EIF4E2: variants seen among roughly 807,000 people sequenced by gnomAD.
EIF4E2 encodes the protein eukaryotic translation initiation factor 4E family member 2, also known as eukaryotic translation initiation factor 4E type 2.
A neutral mutation model predicts 34.2 loss-of-function variants in EIF4E2; 13 were observed. That is an observed-to-expected ratio of 0.38 (90% CI 0.25 to 0.60). EIF4E2 has a LOEUF of 0.60. Among genes scored for constraint, EIF4E2 ranks in the 20% least tolerant of loss-of-function variants. The pLI, the probability that EIF4E2 is intolerant of heterozygous loss-of-function variation, is 0.62. For synonymous variants in EIF4E2, 100 were observed against 106.6 expected, an observed-to-expected ratio of 0.94 and a Z score of 0.38; for missense variants, 222 against 315.1, an observed-to-expected ratio of 0.70 and a Z score of 2.24.
intron 4 of EIF4E2, among the ~76,000 whole-genome samples, chr2:232,565,035 G>A (rs1257266951): frequency 7.2e-6 from 1 of 138,200 alleles, no homozygotes; most frequent in African/African-American, 2.8e-5. Context: ...GGCAGGAACT[G>A]GAGACCTAGA....
downstream of EIF4E2, among the ~76,000 whole-genome samples, chr2:232,571,354 A>G (rs915080665): frequency 2.6e-5 from 4 of 152,256 alleles, no homozygotes; most frequent in African/African-American, 7.2e-5. Context: ...AATGAGGCCA[A>G]CTTGTAGTCG....
chr2:232,571,183 C>T (rs1013080036), downstream of EIF4E2, among the ~76,000 whole-genome samples: 1 of 152,174 alleles, frequency 6.6e-6, no homozygotes, highest in African/African-American at 2.4e-5. Flanking sequence ...TGCTGTTCCC[C>T]TCAGTGTGCT....
In EIF4E2 at chr2:232,581,425, T is replaced by C. The variant is rs549142886; in HGVS notation, c.*482T>C. 2.6e-5 allele frequency: 8 copies of C among 302,098 alleles called. No individual in the cohort carries two copies. The highest frequency in any genetic ancestry group is 6.6e-5 in the African/African-American group (3 of 45,206). The allele number at this position is 302,098 out of a possible 1,614,324, so 18.7% of individuals were successfully genotyped here. ...GCTCTGCCATTAAATTATTGGGACA[T>C]TTTGTTTCTTTCTCTCCCCTCCTCC... On this transcript the variant is annotated 3_prime_UTR_variant, in exon 7 of 7. Transcript: ENST00000409098. This position sits in a 1 kb window ranked among gnomAD's most constrained non-coding sequence, Gnocchi z 5.2.
chr2:232,555,684 T>C (rs1229077165), intron 1 of EIF4E2, among the ~76,000 whole-genome samples: 1 of 151,870 alleles, frequency 6.6e-6, no homozygotes, highest in Non-Finnish European at 1.5e-5. Context: ...GGAGGAATGG[T>C]GTGACAGACC....
At chr2:232,567,653 T>A (rs543934925) in intron 6 of EIF4E2, 1 of 1,044,814 alleles carries the variant, frequency 9.6e-7, no homozygotes, top group Non-Finnish European at 1.1e-6. Context: ...TGACTACTTA[T>A]CAGGAATGAC....
chr2:232,561,327 G>GA (rs10601173), intron 3 of EIF4E2, among the ~76,000 whole-genome samples: 20 of 148,846 alleles, frequency 1.3e-4, no homozygotes, highest in East Asian at 9.8e-4. Context: ...TCCCTCTTGT[G>GA]AAAAAAAAAA....
intron 6 of EIF4E2, among the ~76,000 whole-genome samples, chr2:232,574,794 T>A (rs1477377696): frequency 6.6e-6 from 1 of 152,194 alleles, no homozygotes; most frequent in African/African-American, 2.4e-5. Flanking sequence ...AACAGTAATA[T>A]AAATTCAGCG....
chr2:232,582,349 CT>C (rs1219053953), exon 7 of EIF4E2: 1 of 152,514 alleles, frequency 6.6e-6, no homozygotes, highest in Non-Finnish European at 1.5e-5. Context: ...GTACTACACT[CT>C]TCCTACTTTT....
At position 232,566,827 on chromosome 2, in the gene EIF4E2, A is replaced by G; in HGVS notation, c.376-2A>G. On this transcript the variant is annotated splice_acceptor_variant, in intron 4 of 6. Coordinates refer to ENST00000258416, the MANE Select transcript of EIF4E2 (RefSeq NM_004846.4). LOFTEE classifies it high-confidence loss of function. This position sits in a 1 kb window ranked among gnomAD's most constrained non-coding sequence, Gnocchi z 4.9. ...ACTTCAGTGCTTTCTGTCTTTTTACAGGATGATGCAAATAAAAATGGTGGC... is the reference window on the plus strand; with the variant it reads ...ACTTCAGTGCTTTCTGTCTTTTTACGGGATGATGCAAATAAAAATGGTGGC... 1 of 1,614,022 alleles carries G rather than the reference A, an allele frequency of 6.2e-7. No homozygotes were observed. The highest frequency in any genetic ancestry group is 8.5e-7 in the Non-Finnish European group (1 of 1,180,000).
chr2:232,556,339 G>T lies in EIF4E2; in HGVS notation c.21-77G>T, dbSNP rs535392776. Reference sequence around the variant, plus strand: ...CTTTGGGTTGGTTACATAGTAGTTCGTATGACCTGGTGGCTTTGTTAGGTA... The same window carrying T: ...CTTTGGGTTGGTTACATAGTAGTTCTTATGACCTGGTGGCTTTGTTAGGTA... On this transcript the variant is annotated intron_variant, in intron 1 of 6. Coordinates refer to ENST00000258416, the MANE Select transcript of EIF4E2 (RefSeq NM_004846.4). 293 of 1,194,228 alleles carry T rather than the reference G, an allele frequency of 2.5e-4. No homozygotes were observed. In the African/African-American group the frequency reaches 3.4e-3, roughly 14 times the overall value. 74.0% of individuals were successfully genotyped at this position (1,194,228 alleles called of 1,614,324 possible). A position where few individuals can be genotyped will look rare whatever the true frequency, so the allele number is the denominator to read the frequency against.
rs747719438 is a variant in EIF4E2, at chr2:232,556,504, A to G, written c.109A>G (p.Lys37Glu). 3.1e-6 allele frequency: 5 copies of G among 1,613,196 alleles called. No homozygotes were observed. Among genetic ancestry groups the G allele is most frequent in the Non-Finnish European group, 4.2e-6 (5 of 1,179,594 alleles). Residue 37 changes from lysine to glutamate, a missense_variant, in exon 2 of 7, where the codon AAG (lysine) becomes GAG (glutamate). This residue lies in a region of EIF4E2 where 87 missense variants were observed against 93.6 expected (regional missense o/e 0.93). Coordinates refer to ENST00000258416, the MANE Select transcript of EIF4E2 (RefSeq NM_004846.4). ...TGAGAAGGAAAAAACGGAACGAGAC[A>G]AGAATCAGAGCAGTAGCAAGAGAAA... ...DGEKEKTERD[K>E]NQSSSKRKAV...
rs115920753 is a variant in EIF4E2 at position 232,563,225 on chromosome 2, C to A, written c.271-1022C>A. Among the ~76,000 whole-genome samples, 539 of 152,250 alleles carry A rather than the reference C, an allele frequency of 3.5e-3. 1 individual carries two copies. The highest frequency in any genetic ancestry group is 0.012 in the African/African-American group (504 of 41,540). The stretch of plus-strand genomic sequence containing the variant: ...GTGCCTCTTCACTGGCCAGTACTTA[C>A]TACGTATCCTCTGTGAATAAGGAAA... On this transcript the variant is annotated intron_variant, in intron 3 of 6. Transcript: ENST00000258416.
chr2:232,557,264 A>G (rs1033492822), intron 2 of EIF4E2, among the ~76,000 whole-genome samples: 4 of 152,294 alleles, frequency 2.6e-5, no homozygotes, highest in African/African-American at 7.2e-5. Flanking sequence ...ACAAAGAAAT[A>G]TCAAAGCAAT....
intron 6 of EIF4E2, among the ~76,000 whole-genome samples, chr2:232,576,049 C>T (rs971530034): frequency 4.6e-5 from 7 of 151,942 alleles, no homozygotes; most frequent in Admixed American, 2.0e-4. Flanking sequence ...ACTAAAAATA[C>T]AAAAATTAGC....
chr2:232,564,483 G>A (rs1280459006), intron 4 of EIF4E2, 132 bp downstream of exon 4: 12 of 540,194 alleles, frequency 2.2e-5, no homozygotes, highest in African/African-American at 3.9e-5. Flanking sequence ...ACGGAGTGTC[G>A]CTCTGTCACC....
intron 1 of EIF4E2, among the ~76,000 whole-genome samples, chr2:232,556,165 G>C (rs531096477): frequency 1.3e-5 from 2 of 152,332 alleles, no homozygotes; most frequent in South Asian, 4.1e-4. Flanking sequence ...CCCTTTAACT[G>C]GTTCTTTGTG....
intron 3 of EIF4E2, among the ~76,000 whole-genome samples, chr2:232,563,411 G>A (rs1423440402): frequency 4.0e-5 from 6 of 151,702 alleles, no homozygotes; most frequent in East Asian, 3.9e-4. Flanking sequence ...TTTAAGGGGA[G>A]GGGGGGTGAC....
At chr2:232,557,714 C>T (rs1692573478) in intron 2 of EIF4E2, 170 bp from the exon 3 acceptor site, 2 of 731,022 alleles carry the variant, frequency 2.7e-6, no homozygotes, top group Non-Finnish European at 4.5e-6. Context: ...ATCAGTTAAC[C>T]ACTGAGGAAA....
chr2:232,579,297 AGAT>A (rs1391409666), intron 6 of EIF4E2, among the ~76,000 whole-genome samples: 2 of 152,244 alleles, frequency 1.3e-5, no homozygotes, highest in South Asian at 2.1e-4. Flanking sequence ...CCTTTTAAAA[AGAT>A]GACCACCCTA....
Sources: allele counts gnomAD v4.1 joint callset (sites outside exome capture counted in the v4.1 genomes callset), GRCh38; gene constraint gnomAD v4.1.1; regional missense constraint gnomAD v4.1.1; non-coding constraint Gnocchi (gnomAD v3.1); transcripts MANE v1.5; gene names NCBI Gene and HGNC (gene_info 2026-07-23, HGNC 2026-07-21).